Variants in MITF observed in about 807,000 individuals in gnomAD.
The protein encoded by MITF is melanocyte inducing transcription factor.
A neutral mutation model predicts 60.5 loss-of-function variants in MITF; 17 were observed. That is an observed-to-expected ratio of 0.28 (90% confidence interval 0.19 to 0.42). The LOEUF (loss-of-function observed/expected upper bound fraction) is 0.42, where lower values mean the gene tolerates loss of function less well. MITF is among the 10% of genes least tolerant of loss of function. The probability of loss-of-function intolerance (pLI) is 1.00; values close to 1 mark genes in which losing one functional copy is unlikely to be tolerated. For synonymous variants in MITF, 260 were observed against 248.5 expected, an observed-to-expected ratio of 1.05 and a Z score of -0.43; for missense variants, 622 against 683.5, an observed-to-expected ratio of 0.91 and a Z score of 1.00.
rs930647904 is a variant in MITF at position 69,965,829 on chromosome 3, G to A, written c.*581G>A. The A allele has an allele frequency of 9.6e-5, 22 of 228,708 alleles. 1 individual carries two copies. The highest frequency in any genetic ancestry group is 3.6e-4 in the South Asian group (2 of 5,484). The allele number at this position is 228,708 out of a possible 1,614,324, so 14.2% of individuals were successfully genotyped here. On this transcript the variant is annotated 3_prime_UTR_variant, in exon 10 of 10. Transcript: ENST00000352241. ...TTCTGTAAAAGAAAAAAAAAATGCG[G>A]CCTTTTCATGAGGATCGTCTGGTTA... is the stretch of plus-strand genomic sequence containing the variant.
At chr3:69,868,361 A>G (rs1256710303) in intron 1 of MITF, among the ~76,000 whole-genome samples, 1 of 152,136 alleles carries the variant, frequency 6.6e-6, no homozygotes, top group Non-Finnish European at 1.5e-5. Flanking sequence ...TAGGAATTTG[A>G]CCCAGGGATC....
At position 69,879,398 on chromosome 3, in the gene MITF, C is replaced by T. The variant is rs773948795; in HGVS notation, c.354+15C>T. On this transcript the variant is annotated intron_variant, in intron 2 of 9. Transcript: ENST00000352241. ...AAGTCCTTAAGGTACGTGAGTGTTGCTCTTGTTGGTTGGACCAAACTCTCT... is the reference window on the plus strand; with the variant it reads ...AAGTCCTTAAGGTACGTGAGTGTTGTTCTTGTTGGTTGGACCAAACTCTCT... 32 of 1,614,050 alleles carry T rather than the reference C, an allele frequency of 2.0e-5. No homozygotes were observed. In the Middle Eastern group the frequency reaches 6.6e-4, roughly 33 times the overall value.
At chr3:69,805,599 T>C (rs1220046513) in intron 1 of MITF, among the ~76,000 whole-genome samples, 1 of 152,036 alleles carries the variant, frequency 6.6e-6, no homozygotes, top group Admixed American at 6.5e-5. Context: ...AATCCTCTAA[T>C]ATTTAATATG....
intron 1 of MITF, among the ~76,000 whole-genome samples, chr3:69,796,779 C>T (rs1575728071): frequency 6.6e-6 from 1 of 152,236 alleles, no homozygotes; most frequent in East Asian, 1.9e-4. Context: ...GTGCAAACAC[C>T]GTCTTTCTAA....
intron 2 of MITF, among the ~76,000 whole-genome samples, chr3:69,901,752 A>G (rs1226614618): frequency 2.0e-5 from 3 of 152,200 alleles, no homozygotes; most frequent in African/African-American, 7.2e-5. Context: ...TCCCTGTCTA[A>G]TTCAGAGATC....
intron 1 of MITF, among the ~76,000 whole-genome samples, chr3:69,802,651 C>T (rs1330636553): frequency 2.0e-5 from 3 of 148,324 alleles, no homozygotes; most frequent in Non-Finnish European, 3.0e-5. Context: ...ACTTAGTGAG[C>T]ACCTACTGTG....
At chr3:69,852,958 G>T (rs2063850644) in intron 1 of MITF, among the ~76,000 whole-genome samples, 2 of 152,174 alleles carry the variant, frequency 1.3e-5, no homozygotes, top group South Asian at 4.2e-4. Flanking sequence ...AGAATAAGTT[G>T]TTTATATTGG....
intron 9 of MITF, 85 bp downstream of exon 9, chr3:69,959,505 G>T: frequency 6.7e-7 from 1 of 1,487,014 alleles, no homozygotes; most frequent in Non-Finnish European, 9.3e-7. Flanking sequence ...CCATAGGGGA[G>T]TTGACTTACG....
intron 2 of MITF, among the ~76,000 whole-genome samples, chr3:69,884,921 GCCTATGAATTAAT>G (rs1267129991): frequency 3.3e-5 from 5 of 152,238 alleles, no homozygotes; most frequent in Admixed American, 1.3e-4. Flanking sequence ...ACACAACTAA[GCCTATGAATTAAT>G]CCCAGTTTCT....
intron 1 of MITF, among the ~76,000 whole-genome samples, chr3:69,750,996 A>C (rs1703916965): frequency 6.6e-6 from 1 of 152,152 alleles, no homozygotes; most frequent in Non-Finnish European, 1.5e-5. Flanking sequence ...TGGTTGTATA[A>C]TGTGATCTCT....
At chr3:69,903,171 T>C (rs189173277) in intron 2 of MITF, among the ~76,000 whole-genome samples, 1 of 152,316 alleles carries the variant, frequency 6.6e-6, no homozygotes, top group African/African-American at 2.4e-5. Context: ...AGTTTGTAAT[T>C]GAGAATAGTG....
chr3:69,741,359 G>A (rs1363122146), intron 1 of MITF, among the ~76,000 whole-genome samples: 1 of 152,102 alleles, frequency 6.6e-6, no homozygotes, highest in African/African-American at 2.4e-5. Context: ...TGTGTGTGTG[G>A]AATCCTGAAA....
At chr3:69,924,823 G>A (rs947313597) in intron 2 of MITF, among the ~76,000 whole-genome samples, 1 of 152,198 alleles carries the variant, frequency 6.6e-6, no homozygotes, top group African/African-American at 2.4e-5. Flanking sequence ...AAGATGTCAC[G>A]AAAGCCTTCT....
At chr3:69,898,310 A>G (rs1408634383) in intron 2 of MITF, among the ~76,000 whole-genome samples, 1 of 152,220 alleles carries the variant, frequency 6.6e-6, no homozygotes, top group Non-Finnish European at 1.5e-5. Context: ...AGGAGAGAGC[A>G]GGCAAGAAAC....
intron 1 of MITF, among the ~76,000 whole-genome samples, chr3:69,864,332 A>G (rs916198233): frequency 7.2e-5 from 11 of 152,226 alleles, no homozygotes; most frequent in African/African-American, 2.7e-4. Context: ...GGTTAGTAAG[A>G]TAAATAGTGT....
At chr3:69,936,315 A>G (rs2065833596) in intron 2 of MITF, among the ~76,000 whole-genome samples, 1 of 152,214 alleles carries the variant, frequency 6.6e-6, no homozygotes, top group Admixed American at 6.5e-5. Flanking sequence ...TGAAAGAGAA[A>G]TACCATTGTC....
At chr3:69,858,958 T>G (rs2063965641) in intron 1 of MITF, among the ~76,000 whole-genome samples, 1 of 152,258 alleles carries the variant, frequency 6.6e-6, no homozygotes, top group South Asian at 2.1e-4. Flanking sequence ...TTGTACCATG[T>G]TAAGTACTTT....
intron 1 of MITF, among the ~76,000 whole-genome samples, chr3:69,843,459 A>G (rs1340706418): frequency 3.3e-5 from 5 of 151,988 alleles, no homozygotes; most frequent in Non-Finnish European, 7.4e-5. Flanking sequence ...AATTAGTTTT[A>G]CTGGATTATA....
rs771983577 is a variant in MITF at position 69,967,934 on chromosome 3, C to T, written c.*2686C>T. ...TGAGTAGGGCAATGGAAATACCAAA[C>T]CTTCTGACTTTGCCAAAAAGCATAC... On this transcript the variant is annotated 3_prime_UTR_variant, in exon 10 of 10. Transcript: ENST00000352241. The T allele has an allele frequency of 4.3e-6, 1 of 233,532 alleles. No homozygotes were observed. The highest frequency in any genetic ancestry group is 8.5e-6 in the Non-Finnish European group (1 of 117,950). 14.5% of individuals were successfully genotyped at this position (233,532 alleles called of 1,614,324 possible). A position where few individuals can be genotyped will look rare whatever the true frequency, so the allele number is the denominator to read the frequency against.
Sources: allele counts gnomAD v4.1 joint callset (sites outside exome capture counted in the v4.1 genomes callset), GRCh38; gene constraint gnomAD v4.1.1; transcripts MANE v1.5; gene names NCBI Gene and HGNC (gene_info 2026-07-23, HGNC 2026-07-21).